PIP5K1C: variants seen among roughly 807,000 people sequenced by gnomAD.
PIP5K1C encodes the protein phosphatidylinositol 4-phosphate 5-kinase type-1 gamma.
A neutral mutation model predicts 80.1 loss-of-function variants in PIP5K1C; 45 were observed. The observed-to-expected ratio is 0.56, with a 90% CI of 0.44 to 0.72. The LOEUF is 0.72. Ranked by LOEUF, PIP5K1C falls within the 30% of genes least tolerant of loss-of-function variation. The probability of loss-of-function intolerance (pLI) is 0.00; values close to 1 mark genes in which losing one functional copy is unlikely to be tolerated. For synonymous variants in PIP5K1C, 498 were observed against 420.1 expected, an observed-to-expected ratio of 1.19 and a Z score of -2.27; for missense variants, 753 against 954.6, an observed-to-expected ratio of 0.79 and a Z score of 2.78.
At position 3,680,557 on chromosome 19, in the gene PIP5K1C, C is replaced by T. The variant is rs573009139; in HGVS notation, c.95-13204G>A. ...CCTCAGGTGATCCACTCACTTTGGC[C>T]TCCCAAAGTGCTGGGATGACAGGCG... On this transcript the variant is annotated intron_variant, in intron 1 of 17. Transcript: ENST00000335312. Among the ~76,000 whole-genome samples the T allele has an allele frequency of 3.3e-5, 5 of 152,336 alleles. No individual in the cohort carries two copies. In the South Asian group the frequency reaches 8.3e-4, roughly 25 times the overall value.
At chr19:3,699,551 G>A (rs1438577410) in intron 1 of PIP5K1C, among the ~76,000 whole-genome samples, 1 of 152,190 alleles carries the variant, frequency 6.6e-6, no homozygotes, top group Non-Finnish European at 1.5e-5. Flanking sequence ...TTGTGAATCC[G>A]GAAACTTCCG....
In PIP5K1C at chr19:3,637,924, T is replaced by G. The variant is rs1162473678; in HGVS notation, c.1920+960A>C. ...AGTCCCAGGAAAAGGGGTGACGACGTGCGGTGGGTAGGGGCACAGGCACGC... is the reference window on the plus strand; with the variant it reads ...AGTCCCAGGAAAAGGGGTGACGACGGGCGGTGGGTAGGGGCACAGGCACGC... On this transcript the variant is annotated intron_variant, in intron 16 of 17. Coordinates refer to ENST00000335312, the MANE Select transcript of PIP5K1C (RefSeq NM_012398.3). The surrounding 1 kb of genome is among the most constrained non-coding windows in gnomAD (Gnocchi z 7.0). 2.0e-6 allele frequency: 3 copies of G among 1,535,004 alleles called. No homozygotes were observed. Among genetic ancestry groups the G allele is most frequent in the Non-Finnish European group, 2.6e-6 (3 of 1,146,680 alleles).
At chr19:3,689,640 C>T (rs1249998124) in intron 1 of PIP5K1C, among the ~76,000 whole-genome samples, 1 of 152,122 alleles carries the variant, frequency 6.6e-6, no homozygotes, top group African/African-American at 2.4e-5. Flanking sequence ...GAGGGCAAAA[C>T]TCCGTCTCAA....
chr19:3,661,076 T>G lies in PIP5K1C; in HGVS notation c.358A>C (p.Ser120Arg), dbSNP rs759879931. Residue 120 changes from serine to arginine, a missense_variant, in exon 5 of 18, where the codon AGC becomes CGC. Ser to Arg is a moderately radical substitution (Grantham distance 110). Transcript: ENST00000335312. ...AAGTGGTGGGCGGGGGTGAGGTTGC[T>G]GCCTTCGCTGTGGAGGAAGGACGGG... ...VESIFFPSEG[S>R]NLTPAHHFQD... is the part of the protein sequence containing the mutation. 6.2e-7 allele frequency: 1 copy of G among 1,613,156 alleles called. No individual in the cohort carries two copies. Among genetic ancestry groups the G allele is most frequent in the South Asian group, 1.1e-5 (1 of 91,072 alleles).
At chr19:3,695,613 G>A (rs1259513881) in intron 1 of PIP5K1C, among the ~76,000 whole-genome samples, 1 of 152,216 alleles carries the variant, frequency 6.6e-6, no homozygotes, top group African/African-American at 2.4e-5. Flanking sequence ...TGCCTGACCT[G>A]CATCCCGGGA....
rs772942727 is a variant in PIP5K1C at position 3,645,945 on chromosome 19, T to C, written c.1345+29A>G. ...CGCTCTGGGCCTTCCCCAGGGTCCCTCCCGCCTTGCGGGGCTCAGGTGGCT... is the reference window on the plus strand; with the variant it reads ...CGCTCTGGGCCTTCCCCAGGGTCCCCCCCGCCTTGCGGGGCTCAGGTGGCT... On this transcript the variant is annotated intron_variant, in intron 11 of 17. Coordinates refer to ENST00000335312, the MANE Select transcript of PIP5K1C (RefSeq NM_012398.3). 4.5e-5 allele frequency: 72 copies of C among 1,584,616 alleles called. 1 individual carries two copies. The South Asian group carries it at 7.5e-4, about 17-fold the overall frequency.
chr19:3,658,781 G>A (rs2034730179), intron 5 of PIP5K1C, among the ~76,000 whole-genome samples: 1 of 152,248 alleles, frequency 6.6e-6, no homozygotes. Context: ...GAACACCGAT[G>A]ACAGGGAAAT....
At chr19:3,641,147 G>A (rs1025152561) in intron 15 of PIP5K1C, among the ~76,000 whole-genome samples, 2 of 151,934 alleles carry the variant, frequency 1.3e-5, no homozygotes, top group Admixed American at 6.5e-5. Context: ...CCTGGGAGAC[G>A]GAGGCTGCAG....
rs1455389477 is a variant in PIP5K1C, at chr19:3,680,947, G to A, written c.95-13594C>T. ...TGGCATAAAGTAGGCGGAGGCCAGC[G>A]ACACTGCTCAGCCCCCTGCAGTGCC... On this transcript the variant is annotated intron_variant, in intron 1 of 17. Transcript: ENST00000335312. 9.9e-5 allele frequency among the ~76,000 whole-genome samples: 15 copies of A among 152,164 alleles called. No individual in the cohort carries two copies. The East Asian group carries it at 1.9e-3, about 20-fold the overall frequency.
Position 3,666,499 on chromosome 19 carries a change from G to A in PIP5K1C, c.126+823C>T, listed in dbSNP as rs144385643. Among the ~76,000 whole-genome samples the A allele has an allele frequency of 1.5e-4, 23 of 152,116 alleles. No homozygotes were observed. In the South Asian group the frequency reaches 4.4e-3, roughly 29 times the overall value. On this transcript the variant is annotated intron_variant, in intron 2 of 17. Transcript: ENST00000335312. Reference sequence around the variant, plus strand: ...CAAATATGCACACAGGCAAACACACGTGCAGACGTGCACACAGGCAAACGT... The same window carrying A: ...CAAATATGCACACAGGCAAACACACATGCAGACGTGCACACAGGCAAACGT...
chr19:3,643,520 A>G, intron 12 of PIP5K1C, 139 bp from the exon 13 acceptor site: 1 of 966,620 alleles, frequency 1.0e-6, no homozygotes, highest in Non-Finnish European at 1.6e-6. Context: ...ACCTCCCCAC[A>G]CGGCAGGGAA....
intron 1 of PIP5K1C, among the ~76,000 whole-genome samples, chr19:3,683,022 C>T (rs1568354587): frequency 6.9e-6 from 1 of 145,224 alleles, no homozygotes; most frequent in Non-Finnish European, 1.5e-5. Context: ...TGCCCTAGGG[C>T]CTCCGCACAG....
chr19:3,680,687 T>C (rs1381498036), intron 1 of PIP5K1C, among the ~76,000 whole-genome samples: 1 of 152,166 alleles, frequency 6.6e-6, no homozygotes, highest in Non-Finnish European at 1.5e-5. Flanking sequence ...TATTACTACA[T>C]AGGTCAAAAA....
chr19:3,670,520 G>A (rs1347181311), intron 1 of PIP5K1C, among the ~76,000 whole-genome samples: 1 of 152,224 alleles, frequency 6.6e-6, no homozygotes, highest in Non-Finnish European at 1.5e-5. Context: ...GCAGAGCCCT[G>A]CCCACTCCTG....
intron 1 of PIP5K1C, among the ~76,000 whole-genome samples, chr19:3,671,598 G>C (rs957361664): frequency 1.3e-5 from 2 of 152,254 alleles, no homozygotes; most frequent in African/African-American, 4.8e-5. Flanking sequence ...GCAGGACGGA[G>C]AGGGGAGGCA....
intron 3 of PIP5K1C, among the ~76,000 whole-genome samples, chr19:3,663,297 G>A (rs905925339): frequency 9.2e-5 from 14 of 152,226 alleles, no homozygotes; most frequent in Non-Finnish European, 1.9e-4. Flanking sequence ...TGCTCCTGTC[G>A]CAGGTGCGAG....
chr19:3,679,065 G>A (rs1311013830), intron 1 of PIP5K1C, among the ~76,000 whole-genome samples: 2 of 151,996 alleles, frequency 1.3e-5, no homozygotes, highest in African/African-American at 2.4e-5. Flanking sequence ...GCGGTAAGTC[G>A]TGGGTCTACT....
intron 10 of PIP5K1C, among the ~76,000 whole-genome samples, chr19:3,647,098 G>A (rs2034255209): frequency 8.1e-6 from 1 of 123,310 alleles, no homozygotes; most frequent in Non-Finnish European, 1.7e-5. Context: ...GCTCACAGAG[G>A]GAGGAGGGAT....
At chr19:3,671,484 G>A (rs947645999) in intron 1 of PIP5K1C, among the ~76,000 whole-genome samples, 2 of 152,396 alleles carry the variant, frequency 1.3e-5, no homozygotes, top group Middle Eastern at 3.4e-3. Flanking sequence ...GGGGAGAGGA[G>A]AGGAGAGGGG....
Sources: gnomAD v4.1 joint callset for allele counts (sites outside exome capture counted in the v4.1 genomes callset) on GRCh38, gnomAD v4.1.1 for gene constraint, Gnocchi (gnomAD v3.1) non-coding constraint, MANE v1.5 for transcripts, NCBI Gene and HGNC (gene_info 2026-07-23, HGNC 2026-07-21) for gene names.